The following RNF138 variants were observed in gnomAD, a reference collection of about 807,000 sequenced individuals.
The protein encoded by RNF138 is E3 ubiquitin-protein ligase RNF138.
Under a neutral mutation model 31.0 loss-of-function variants are expected in RNF138, and 12 were observed. The observed-to-expected ratio is 0.39, with a 90% CI of 0.25 to 0.63. RNF138 has a LOEUF of 0.63. Ranked by LOEUF, RNF138 falls within the 20% of genes least tolerant of loss-of-function variation. The pLI, the probability that RNF138 is intolerant of heterozygous loss-of-function variation, is 0.52. For missense variants in RNF138, 192 were observed against 300.1 expected, an observed-to-expected ratio of 0.64 and a Z score of 2.66; for synonymous variants, 105 against 99.5, an observed-to-expected ratio of 1.06 and a Z score of -0.33.
At chr18:32,094,094 A>T (rs921372027) in intron 2 of RNF138, among the ~76,000 whole-genome samples, 1 of 152,262 alleles carries the variant, frequency 6.6e-6, no homozygotes, top group Admixed American at 6.5e-5. Context: ...CCCCGCCCGG[A>T]AATCTTTATT....
In RNF138 at chr18:32,122,802, C is replaced by T. The variant is rs139934311; in HGVS notation, c.393-716C>T. Among the ~76,000 whole-genome samples, 6 of 152,174 alleles carry T rather than the reference C, an allele frequency of 3.9e-5. No individual in the cohort carries two copies. In the East Asian group the frequency reaches 7.7e-4, roughly 20 times the overall value. On this transcript the variant is annotated intron_variant, in intron 4 of 7. Transcript: ENST00000261593. ...TTGCACCACTGCACTCCAGCCTGGGCGACAGATTGAGACTCCAGCTCAAAA... is the reference window on the plus strand; with the variant it reads ...TTGCACCACTGCACTCCAGCCTGGGTGACAGATTGAGACTCCAGCTCAAAA...
At chr18:32,109,016 G>A (rs1260924521) in intron 2 of RNF138, among the ~76,000 whole-genome samples, 2 of 152,120 alleles carry the variant, frequency 1.3e-5, no homozygotes, top group South Asian at 2.1e-4. Context: ...GAATTTATGC[G>A]CTCTAATGGA....
intron 2 of RNF138, among the ~76,000 whole-genome samples, chr18:32,097,265 A>G (rs2039825712): frequency 6.6e-6 from 1 of 152,218 alleles, no homozygotes; most frequent in Admixed American, 6.5e-5. Context: ...TGCAATAAAA[A>G]TTACATATAA....
At chr18:32,119,481 A>G (rs935172746) in intron 4 of RNF138, among the ~76,000 whole-genome samples, 2 of 151,882 alleles carry the variant, frequency 1.3e-5, no homozygotes, top group Non-Finnish European at 2.9e-5. Flanking sequence ...CTGGAGTGCA[A>G]TGGCGTGATC....
chr18:32,100,405 A>T (rs1299753847), intron 2 of RNF138, among the ~76,000 whole-genome samples: 1 of 149,760 alleles, frequency 6.7e-6, no homozygotes, highest in African/African-American at 2.5e-5. Context: ...GGCTCAAGTA[A>T]TCCCCCTTTA....
intron 7 of RNF138, among the ~76,000 whole-genome samples, chr18:32,127,217 C>T (rs963141180): frequency 6.6e-6 from 1 of 152,122 alleles, no homozygotes; most frequent in South Asian, 2.1e-4. Context: ...TAAGACACAA[C>T]GTTTTTAAAA....
chr18:32,111,653 T>C (rs1199671070), intron 2 of RNF138, 101 bp from the exon 3 acceptor site: 3 of 962,340 alleles, frequency 3.1e-6, no homozygotes, highest in East Asian at 5.3e-5. Flanking sequence ...GCCTAACTTA[T>C]TTAATATGAA....
In RNF138 at chr18:32,092,233, T is replaced by C. The variant is rs2039702371; in HGVS notation, c.-80T>C. The C allele has an allele frequency of 6.6e-6, 1 of 152,336 alleles. No homozygotes were observed. Among genetic ancestry groups the C allele is most frequent in the Admixed American group, 6.6e-5 (1 of 15,252 alleles). The allele number at this position is 152,336 out of a possible 1,614,324, so 9.4% of individuals were successfully genotyped here. A position where few individuals can be genotyped will look rare whatever the true frequency, so the allele number is the denominator to read the frequency against. On this transcript the variant is annotated splice_region_variant and 5_prime_UTR_variant, in exon 1 of 8. Transcript: ENST00000261593. ...GTCCACAACGCCGCTTCGGGGCTCC[T>C]AGGTGAGAGTCTCCCCGGCGGAAGC...
Position 32,131,528 on chromosome 18 carries a change from G to C in RNF138, c.*2341G>C, listed in dbSNP as rs1161714059. 1 of 152,064 alleles carries C rather than the reference G, an allele frequency of 6.6e-6. No individual in the cohort carries two copies. Among genetic ancestry groups the C allele is most frequent in the Admixed American group, 6.6e-5 (1 of 15,266 alleles). The allele number at this position is 152,064 out of a possible 1,614,324, so 9.4% of individuals were successfully genotyped here. On this transcript the variant is annotated 3_prime_UTR_variant, in exon 8 of 8. Coordinates refer to ENST00000261593, the MANE Select transcript of RNF138 (RefSeq NM_016271.5). ...AACAGAGTCTTATTTGAGATGTATTGCTTTATTTTTCAATTAAAAGTGGTT... is the reference window on the plus strand; with the variant it reads ...AACAGAGTCTTATTTGAGATGTATTCCTTTATTTTTCAATTAAAAGTGGTT...
At chr18:32,124,643 A>T (rs1327008656) in intron 5 of RNF138, 91 bp from the exon 6 acceptor site, 7 of 682,772 alleles carry the variant, frequency 1.0e-5, no homozygotes, top group East Asian at 2.7e-5. Context: ...TAACTTTTTT[A>T]AAAAATGTAT....
At chr18:32,102,679 C>T (rs910203700) in intron 2 of RNF138, among the ~76,000 whole-genome samples, 7 of 151,794 alleles carry the variant, frequency 4.6e-5, no homozygotes, top group Admixed American at 1.3e-4. Flanking sequence ...GTTGCCCAGG[C>T]TGGAGTACAG....
intron 2 of RNF138, among the ~76,000 whole-genome samples, chr18:32,110,344 A>G (rs531310864): frequency 1.4e-4 from 21 of 152,210 alleles, no homozygotes; most frequent in Admixed American, 4.6e-4. Context: ...TGCTGCTTTA[A>G]TGATATTAAC....
chr18:32,097,966 GTGTGTGTGTGT>G (rs762517340), intron 2 of RNF138, among the ~76,000 whole-genome samples: 911 of 84,080 alleles, frequency 0.011, 8 homozygotes, highest in African/African-American at 0.031. Flanking sequence ...GTGTGTGTGT[GTGTGTGTGTGT>G]TATTTTTGTT....
At position 32,092,154 on chromosome 18, in the gene RNF138, T is replaced by C. The variant is rs112309785; in HGVS notation, c.-159T>C. On this transcript the variant is annotated 5_prime_UTR_variant, in exon 1 of 8. Transcript: ENST00000261593. Reference sequence around the variant, plus strand: ...AGATAGCGGCGGCCGGACAGGAAGCTCGAGGAAAGCGCTGGGCCGGGTCTC... The same window carrying C: ...AGATAGCGGCGGCCGGACAGGAAGCCCGAGGAAAGCGCTGGGCCGGGTCTC... 0.032 allele frequency: 4,842 copies of C among 152,628 alleles called. 272 individuals are homozygous for C. The highest frequency in any genetic ancestry group is 0.11 in the African/African-American group (4,602 of 41,522). The allele number at this position is 152,628 out of a possible 1,614,324, so 9.5% of individuals were successfully genotyped here.
intron 4 of RNF138, among the ~76,000 whole-genome samples, chr18:32,117,777 T>C (rs2144262426): frequency 6.6e-6 from 1 of 152,302 alleles, no homozygotes; most frequent in Admixed American, 6.5e-5. Context: ...ATTGCATTGG[T>C]GTGGGGTAGT....
At chr18:32,109,554 A>G (rs1014765739) in intron 2 of RNF138, 1 of 152,262 alleles carries the variant, frequency 6.6e-6, no homozygotes, top group Non-Finnish European at 1.5e-5. Flanking sequence ...GACTACAGGT[A>G]CATGCTGCTG....
At chr18:32,121,876 A>G (rs2040311125) in intron 4 of RNF138, among the ~76,000 whole-genome samples, 1 of 151,908 alleles carries the variant, frequency 6.6e-6, no homozygotes, top group Non-Finnish European at 1.5e-5. Context: ...TAGGTTATGT[A>G]CTTTTTTTTC....
intron 2 of RNF138, among the ~76,000 whole-genome samples, chr18:32,096,568 C>T (rs997661397): frequency 6.6e-5 from 10 of 151,914 alleles, no homozygotes; most frequent in Admixed American, 1.3e-4. Flanking sequence ...ACTTAAATAT[C>T]GAGTGGAGAA....
intron 5 of RNF138, 57 bp from the exon 6 acceptor site, chr18:32,124,677 A>G: frequency 1.2e-6 from 1 of 830,334 alleles, no homozygotes; most frequent in Non-Finnish European, 2.1e-6. Context: ...AAAATAGGAG[A>G]GCGTTATTTT....
Sources: gnomAD v4.1 joint callset for allele counts (sites outside exome capture counted in the v4.1 genomes callset) on GRCh38, gnomAD v4.1.1 for gene constraint, MANE v1.5 for transcripts, NCBI Gene and HGNC (gene_info 2026-07-23, HGNC 2026-07-21) for gene names.